The following AGBL1 variants were observed in gnomAD, a reference collection of about 807,000 sequenced individuals.
The protein encoded by AGBL1 is cytosolic carboxypeptidase 4.
Under a neutral mutation model 118.9 loss-of-function variants are expected in AGBL1, and 130 were observed. The ratio of observed to expected loss-of-function variants is 1.09; its 90% CI spans 0.95 to 1.26. The LOEUF (loss-of-function observed/expected upper bound fraction) is 1.26. Among genes scored for constraint, AGBL1 ranks in the 50% most tolerant of loss-of-function variants. The probability of loss-of-function intolerance (pLI) is 0.00; values close to 1 mark genes in which losing one functional copy is unlikely to be tolerated. For synonymous variants in AGBL1, 555 were observed against 478.9 expected, an observed-to-expected ratio of 1.16 and a Z score of -2.08; for missense variants, 1,584 against 1,298.1, an observed-to-expected ratio of 1.22 and a Z score of -3.38.
intron 16 of AGBL1, among the ~76,000 whole-genome samples, chr15:86,280,586 C>G (rs1228892440): frequency 1.3e-5 from 2 of 152,106 alleles, no homozygotes; most frequent in African/African-American, 4.8e-5. Context: ...CTTTCATCCT[C>G]TATGTTAATG....
At chr15:86,117,294 G>A (rs1236821506) in intron 1 of AGBL1, among the ~76,000 whole-genome samples, 1 of 152,078 alleles carries the variant, frequency 6.6e-6, no homozygotes, top group Non-Finnish European at 1.5e-5. Context: ...GGAGAAACCG[G>A]CAGTCTGCTC....
chr15:87,001,976 A>G (rs2081443682), intron 24 of AGBL1, among the ~76,000 whole-genome samples: 1 of 151,948 alleles, frequency 6.6e-6, no homozygotes, highest in Non-Finnish European at 1.5e-5. Context: ...GAAGCTCTTT[A>G]GTTTAATTAG....
intron 18 of AGBL1, among the ~76,000 whole-genome samples, chr15:86,403,144 G>T (rs1393918221): frequency 6.6e-6 from 1 of 152,122 alleles, no homozygotes; most frequent in Non-Finnish European, 1.5e-5. Flanking sequence ...TAGACATGAT[G>T]TATAAATGAG....
chr15:86,869,122 A>G (rs115274268), intron 22 of AGBL1, among the ~76,000 whole-genome samples: 8 of 152,366 alleles, frequency 5.3e-5, no homozygotes, highest in African/African-American at 1.9e-4. Context: ...ACTAAACTCT[A>G]TGAAACTGTG....
At chr15:86,326,974 C>T (rs533655492) in intron 17 of AGBL1, among the ~76,000 whole-genome samples, 94 of 147,708 alleles carry the variant, frequency 6.4e-4, no homozygotes, top group Admixed American at 3.4e-4. Flanking sequence ...AGGTCATCTG[C>T]TGATGGGAAA....
At chr15:86,682,311 C>G (rs1596365407) in intron 22 of AGBL1, among the ~76,000 whole-genome samples, 1 of 152,222 alleles carries the variant, frequency 6.6e-6, no homozygotes, top group East Asian at 1.9e-4. Context: ...TAATTTTAGG[C>G]TGGGAAAACA....
At chr15:86,857,725 C>T (rs1003725568) in intron 22 of AGBL1, among the ~76,000 whole-genome samples, 3 of 152,180 alleles carry the variant, frequency 2.0e-5, no homozygotes, top group African/African-American at 7.2e-5. Context: ...TGCAGGAGGG[C>T]AAGGACGGTG....
intron 22 of AGBL1, among the ~76,000 whole-genome samples, chr15:86,847,985 C>T (rs554891333): frequency 1.3e-5 from 2 of 152,270 alleles, no homozygotes; most frequent in African/African-American, 2.4e-5. Context: ...TTCATTCCTT[C>T]GTGACAGAGA....
chr15:86,881,859 TTAAA>T (rs1567222041), intron 22 of AGBL1, among the ~76,000 whole-genome samples: 2 of 152,114 alleles, frequency 1.3e-5, no homozygotes, highest in Non-Finnish European at 2.9e-5. Flanking sequence ...TTACATACTT[TTAAA>T]TAAACAGATC....
In AGBL1 at chr15:86,749,655, A is replaced by G. The variant is rs372746630; in HGVS notation, c.3158+75219A>G. On this transcript the variant is annotated intron_variant, in intron 22 of 22. Coordinates refer to ENST00000614907, the MANE Select transcript of AGBL1 (RefSeq NM_001386094.1). ...TGATATTGGCTGTGGGTTTGTCATA[A>G]ATAGCTCTTATTATTTTGAGATACA... 8.0e-3 allele frequency among the ~76,000 whole-genome samples: 1,210 copies of G among 151,734 alleles called. 17 individuals are homozygous for G. The highest frequency in any genetic ancestry group is 0.027 in the African/African-American group (1,102 of 41,480).
At chr15:86,184,519 T>A (rs1198511753) in intron 5 of AGBL1, among the ~76,000 whole-genome samples, 5 of 151,902 alleles carry the variant, frequency 3.3e-5, no homozygotes, top group African/African-American at 1.2e-4. Flanking sequence ...TTGGCCTGCC[T>A]GGCTAGGTTG....
At chr15:86,207,137 T>G (rs1342228429) in intron 5 of AGBL1, among the ~76,000 whole-genome samples, 3 of 152,200 alleles carry the variant, frequency 2.0e-5, no homozygotes, top group Non-Finnish European at 4.4e-5. Context: ...GTGGTGTTAT[T>G]TCTGAGGGCT....
At chr15:86,776,792 G>GAC (rs2078263023) in intron 22 of AGBL1, among the ~76,000 whole-genome samples, 1 of 145,938 alleles carries the variant, frequency 6.9e-6, no homozygotes. Context: ...GTGTGTGTGA[G>GAC]AGAGAGAGAG....
At chr15:86,344,962 G>A (rs1156652988) in intron 17 of AGBL1, among the ~76,000 whole-genome samples, 1 of 152,118 alleles carries the variant, frequency 6.6e-6, no homozygotes. Context: ...TCAGTGAACA[G>A]AGGAACATAA....
At chr15:86,961,372 G>A (rs1005648847) in intron 23 of AGBL1, among the ~76,000 whole-genome samples, 2 of 151,926 alleles carry the variant, frequency 1.3e-5, no homozygotes, top group African/African-American at 4.8e-5. Context: ...CTGAAAAATT[G>A]GTCAGTATAA....
chr15:86,215,162 C>T (rs189761029), intron 5 of AGBL1, among the ~76,000 whole-genome samples: 157 of 151,724 alleles, frequency 1.0e-3, no homozygotes, highest in African/African-American at 3.6e-3. Context: ...TTAGCAAGAT[C>T]CGTGTGTTAC....
chr15:87,028,900 G>A, exon 25 of AGBL1: 1 of 1,537,244 alleles, frequency 6.5e-7, no homozygotes, highest in Non-Finnish European at 9.0e-7. Flanking sequence ...GCTCCTCCTG[G>A]ATCTGTGAGG....
chr15:87,000,865 G>T (rs2081429943), intron 24 of AGBL1, among the ~76,000 whole-genome samples: 1 of 147,928 alleles, frequency 6.8e-6, no homozygotes, highest in African/African-American at 2.5e-5. Flanking sequence ...CATGAGCATG[G>T]CATGTTCTTC....
At chr15:86,137,848 T>C (rs1326725208) in intron 1 of AGBL1, among the ~76,000 whole-genome samples, 1 of 152,206 alleles carries the variant, frequency 6.6e-6, no homozygotes, top group Non-Finnish European at 1.5e-5. Context: ...GAGGAATGAC[T>C]GAAGTGTGTG....
Sources: allele counts gnomAD v4.1 joint callset (sites outside exome capture counted in the v4.1 genomes callset), GRCh38; gene constraint gnomAD v4.1.1; transcripts MANE v1.5; gene names NCBI Gene and HGNC (gene_info 2026-07-23, HGNC 2026-07-21).